CNTNAP2: variants seen among roughly 807,000 people sequenced by gnomAD.
The protein encoded by CNTNAP2 is contactin associated protein 2.
CNTNAP2 carries 98 observed loss-of-function variants against 155.2 expected under a neutral mutation model. The observed-to-expected ratio is 0.63, with a 90% CI of 0.54 to 0.75. CNTNAP2 has a LOEUF of 0.75. Ranked by LOEUF, CNTNAP2 falls within the 30% of genes least tolerant of loss-of-function variation. CNTNAP2 has a pLI of 0.00. For missense variants in CNTNAP2, 1,727 were observed against 1,688.1 expected (o/e 1.02, Z -0.40); for synonymous variants, 651 against 631.2 (o/e 1.03, Z -0.47).
intron 18 of CNTNAP2, among the ~76,000 whole-genome samples, chr7:148,185,180 G>T (rs751234081): frequency 1.1e-4 from 16 of 152,148 alleles, no homozygotes; most frequent in Non-Finnish European, 2.2e-4. Context: ...CAACAATCCA[G>T]CAAGACTTTA....
At chr7:146,249,002 G>A (rs13223772) in intron 1 of CNTNAP2, among the ~76,000 whole-genome samples, 3 of 152,128 alleles carry the variant, frequency 2.0e-5, no homozygotes, top group Non-Finnish European at 2.9e-5. Context: ...GTTCCCTGGC[G>A]GTCAGAGTGG....
chr7:146,223,280 G>T (rs1486734608), intron 1 of CNTNAP2, among the ~76,000 whole-genome samples: 1 of 152,198 alleles, frequency 6.6e-6, no homozygotes, highest in Non-Finnish European at 1.5e-5. Context: ...AGGAACTGAA[G>T]CATGCTAATA....
intron 15 of CNTNAP2, among the ~76,000 whole-genome samples, chr7:148,069,337 C>G (rs931918998): frequency 6.6e-6 from 1 of 152,130 alleles, no homozygotes; most frequent in African/African-American, 2.4e-5. Flanking sequence ...GGCCCCCAGG[C>G]TTCAGGATTA....
At chr7:146,611,419 T>A (rs966232971) in intron 1 of CNTNAP2, among the ~76,000 whole-genome samples, 29 of 152,306 alleles carry the variant, frequency 1.9e-4, no homozygotes, top group African/African-American at 7.0e-4. Flanking sequence ...AATAAACTAC[T>A]AGTGTTTTAG....
intron 1 of CNTNAP2, among the ~76,000 whole-genome samples, chr7:146,401,569 A>G (rs1486987733): frequency 2.0e-5 from 3 of 152,086 alleles, no homozygotes; most frequent in Non-Finnish European, 4.4e-5. Context: ...GCACATGCTT[A>G]TTTTTCACAT....
At chr7:147,006,396 A>G (rs937451722) in intron 3 of CNTNAP2, among the ~76,000 whole-genome samples, 1 of 152,088 alleles carries the variant, frequency 6.6e-6, no homozygotes, top group Non-Finnish European at 1.5e-5. Context: ...TCCTTTATAC[A>G]TGTAAATTTA....
intron 1 of CNTNAP2, among the ~76,000 whole-genome samples, chr7:146,275,414 C>T (rs1800148306): frequency 6.6e-6 from 1 of 152,052 alleles, no homozygotes; most frequent in Non-Finnish European, 1.5e-5. Flanking sequence ...GAATGATCAA[C>T]TTTAACATAA....
chr7:146,873,894 ATAT>A lies in CNTNAP2; in HGVS notation c.402+33995_402+33997del, dbSNP rs147078550. Among the ~76,000 whole-genome samples the A allele has an allele frequency of 7.9e-3, 1,208 of 152,264 alleles. 15 individuals are homozygous for A. Among genetic ancestry groups the A allele is most frequent in the African/African-American group, 0.028 (1,145 of 41,554 alleles). On this transcript the variant is annotated intron_variant, in intron 3 of 23. Coordinates refer to ENST00000361727, the MANE Select transcript of CNTNAP2 (RefSeq NM_014141.6). ...ATCTTCTTTTGATATTGATTTAAAA[ATAT>A]TATTTACAAAGATATTATATATTTT...
rs146659585 is a variant in CNTNAP2 at position 146,659,844 on chromosome 7, T to C, written c.98-114427T>C. 1.7e-3 allele frequency among the ~76,000 whole-genome samples: 265 copies of C among 152,332 alleles called. 2 individuals are homozygous for C. The highest frequency in any genetic ancestry group is 6.0e-3 in the African/African-American group (251 of 41,564). On this transcript the variant is annotated intron_variant, in intron 1 of 23. Coordinates refer to ENST00000361727, the MANE Select transcript of CNTNAP2 (RefSeq NM_014141.6). The stretch of plus-strand genomic sequence containing the variant: ...CTCCAATTAAGCCTTTGGAGTGATA[T>C]GCAAGAACTCCATAGTGGGGAGGGA...
intron 13 of CNTNAP2, among the ~76,000 whole-genome samples, chr7:147,666,238 G>A (rs1795694462): frequency 1.3e-5 from 2 of 152,104 alleles, no homozygotes; most frequent in South Asian, 4.1e-4. Flanking sequence ...TCCTTTGTTT[G>A]TGCTTTCAAG....
intron 1 of CNTNAP2, among the ~76,000 whole-genome samples, chr7:146,606,092 A>G (rs1342264329): frequency 6.6e-6 from 1 of 152,174 alleles, no homozygotes; most frequent in African/African-American, 2.4e-5. Flanking sequence ...TGCAGTCATA[A>G]ATTTGCTAAA....
intron 8 of CNTNAP2, among the ~76,000 whole-genome samples, chr7:147,222,586 C>T (rs1803428703): frequency 6.6e-6 from 1 of 152,088 alleles, no homozygotes; most frequent in Non-Finnish European, 1.5e-5. Context: ...GTGAGGCTTG[C>T]TTTGGCCCTT....
At chr7:148,011,375 C>T (rs182397004) in intron 15 of CNTNAP2, among the ~76,000 whole-genome samples, 3 of 152,202 alleles carry the variant, frequency 2.0e-5, no homozygotes, top group Admixed American at 2.0e-4. Flanking sequence ...CATTTTAAAC[C>T]TGCCCACTCT....
At chr7:147,344,163 C>G (rs1382473761) in intron 9 of CNTNAP2, among the ~76,000 whole-genome samples, 8 of 152,090 alleles carry the variant, frequency 5.3e-5, no homozygotes, top group Admixed American at 5.2e-4. Context: ...TCCACTGACT[C>G]CAAAGAATGA....
chr7:147,643,061 C>T (rs1005639563), intron 13 of CNTNAP2, among the ~76,000 whole-genome samples: 8 of 152,084 alleles, frequency 5.3e-5, no homozygotes, highest in African/African-American at 1.9e-4. Flanking sequence ...TGGTTGGGGC[C>T]TCAGAATATT....
intron 8 of CNTNAP2, among the ~76,000 whole-genome samples, chr7:147,239,325 G>A (rs1173812842): frequency 6.6e-6 from 1 of 151,856 alleles, no homozygotes; most frequent in Non-Finnish European, 1.5e-5. Flanking sequence ...GACCAACATG[G>A]TGAAATCCCG....
chr7:146,516,158 C>A (rs905303243), intron 1 of CNTNAP2, among the ~76,000 whole-genome samples: 3 of 151,780 alleles, frequency 2.0e-5, no homozygotes, highest in Non-Finnish European at 4.4e-5. Context: ...GAGGCGCAGA[C>A]AAAGCAGTTT....
At chr7:146,600,143 C>T (rs998738846) in intron 1 of CNTNAP2, among the ~76,000 whole-genome samples, 5 of 151,944 alleles carry the variant, frequency 3.3e-5, no homozygotes, top group South Asian at 2.1e-4. Flanking sequence ...CTCAACCATT[C>T]GTAAGCAACA....
intron 1 of CNTNAP2, among the ~76,000 whole-genome samples, chr7:146,516,788 C>A (rs1797547994): frequency 6.6e-6 from 1 of 151,888 alleles, no homozygotes; most frequent in Non-Finnish European, 1.5e-5. Context: ...CTTTCCCTTG[C>A]CACGCTTCTT....
Sources: gnomAD v4.1 joint callset for allele counts (sites outside exome capture counted in the v4.1 genomes callset) on GRCh38, gnomAD v4.1.1 for gene constraint, MANE v1.5 for transcripts, NCBI Gene and HGNC (gene_info 2026-07-23, HGNC 2026-07-21) for gene names.